Variants in ENTREP1 observed in about 807,000 individuals in gnomAD.
ENTREP1 encodes endosomal transmembrane epsin interactor 1.
At chr9:69,377,415 G>A in the ENTREP1 span, 36 of 1,614,014 alleles carry the variant, frequency 2.2e-5, 1 homozygote, top group African/African-American at 1.6e-4. Context: ...GACCACCACC[G>A]TCTGCTTGGT....
the ENTREP1 span, among the ~76,000 whole-genome samples, chr9:69,356,051 T>C: frequency 6.6e-6 from 1 of 152,180 alleles, no homozygotes; most frequent in South Asian, 2.1e-4. Context: ...GTGTTCACAG[T>C]GTTGTGCTGC....
At chr9:69,362,755 A>G in the ENTREP1 span, among the ~76,000 whole-genome samples, 2 of 152,284 alleles carry the variant, frequency 1.3e-5, no homozygotes, top group African/African-American at 2.4e-5. Context: ...GGCACCATCT[A>G]ATCGCTGCCA....
chr9:69,368,521 A>G, the ENTREP1 span, among the ~76,000 whole-genome samples: 2 of 152,110 alleles, frequency 1.3e-5, no homozygotes, highest in Non-Finnish European at 2.9e-5. Context: ...CGTGATGTAT[A>G]TCTTTTTGAT....
chr9:69,376,724 G>A, the ENTREP1 span, among the ~76,000 whole-genome samples: 1 of 152,332 alleles, frequency 6.6e-6, no homozygotes, highest in African/African-American at 2.4e-5. Context: ...TGGTAGCTGA[G>A]TCACCCCCAA....
At chr9:69,392,006 C>T in the ENTREP1 span, 2 of 598,840 alleles carry the variant, frequency 3.3e-6, no homozygotes, top group Non-Finnish European at 6.0e-6. Flanking sequence ...GTTTGGGATG[C>T]ACTGAGTTGG....
the ENTREP1 span, among the ~76,000 whole-genome samples, chr9:69,352,853 A>T: frequency 1.3e-5 from 2 of 152,190 alleles, no homozygotes; most frequent in Non-Finnish European, 2.9e-5. Flanking sequence ...GAAGAAGACA[A>T]GGCTGGATGT....
chr9:69,331,202 A>T, the ENTREP1 span, among the ~76,000 whole-genome samples: 1 of 152,232 alleles, frequency 6.6e-6, no homozygotes, highest in Admixed American at 6.5e-5. Flanking sequence ...AACACAGGAC[A>T]TTTACAACAT....
At chr9:69,389,280 C>T in the ENTREP1 span, among the ~76,000 whole-genome samples, 2 of 152,166 alleles carry the variant, frequency 1.3e-5, no homozygotes, top group Non-Finnish European at 2.9e-5. Context: ...AATACTTCCT[C>T]AACTGAAGTG....
the ENTREP1 span, chr9:69,325,120 C>A: frequency 1.0e-6 from 1 of 985,260 alleles, no homozygotes; most frequent in African/African-American, 1.7e-5. Flanking sequence ...CAGGTGGGTG[C>A]GGCCGGCTGG....
the ENTREP1 span, among the ~76,000 whole-genome samples, chr9:69,373,661 TATC>T: frequency 6.6e-6 from 1 of 152,290 alleles, no homozygotes; most frequent in African/African-American, 2.4e-5. Flanking sequence ...CTGCCATTAA[TATC>T]ATTCTGTATA....
At chr9:69,391,912 C>A in the ENTREP1 span, 1 of 1,081,102 alleles carries the variant, frequency 9.2e-7, no homozygotes, top group Non-Finnish European at 1.3e-6. Context: ...CTCTGGAGGA[C>A]ACGTTTTCCC....
the ENTREP1 span, among the ~76,000 whole-genome samples, chr9:69,331,872 A>G: frequency 6.6e-6 from 1 of 152,254 alleles, no homozygotes; most frequent in Admixed American, 6.5e-5. Context: ...ATTGTGGCAT[A>G]ATGGGAGCCA....
chr9:69,356,372 G>A, the ENTREP1 span, among the ~76,000 whole-genome samples: 4 of 152,068 alleles, frequency 2.6e-5, no homozygotes, highest in Non-Finnish European at 4.4e-5. Flanking sequence ...ACCTCACCTC[G>A]TGATATGAGG....
the ENTREP1 span, chr9:69,371,700 A>G: frequency 2.3e-6 from 2 of 876,510 alleles, no homozygotes; most frequent in Admixed American, 1.7e-5. Flanking sequence ...GCATCAGGCA[A>G]CTGTCCTGAA....
chr9:69,363,197 A>G, the ENTREP1 span, among the ~76,000 whole-genome samples: 1 of 152,174 alleles, frequency 6.6e-6, no homozygotes, highest in African/African-American at 2.4e-5. Flanking sequence ...CACGGTCTAA[A>G]ATACAAGTTC....
the ENTREP1 span, chr9:69,379,812 CAT>C: frequency 6.6e-6 from 1 of 152,206 alleles, no homozygotes; most frequent in Non-Finnish European, 1.5e-5. Context: ...GAAAGTGACT[CAT>C]GTGGGTTTAG....
the ENTREP1 span, among the ~76,000 whole-genome samples, chr9:69,341,938 C>T: frequency 2.0e-5 from 3 of 152,036 alleles, no homozygotes. Flanking sequence ...AAGGTCTAAA[C>T]CAATAAGTGG....
At chr9:69,369,689 A>G in the ENTREP1 span, among the ~76,000 whole-genome samples, 17 of 151,520 alleles carry the variant, frequency 1.1e-4, no homozygotes, top group Middle Eastern at 6.8e-3. Context: ...AGTGTTCCTC[A>G]TCCTCACCAG....
At chr9:69,332,826 G>A in the ENTREP1 span, among the ~76,000 whole-genome samples, 1 of 152,128 alleles carries the variant, frequency 6.6e-6, no homozygotes, top group Non-Finnish European at 1.5e-5. Context: ...TGAAATAAAA[G>A]CACTTGTTTT....
Sources: gnomAD v4.1 joint callset for allele counts (sites outside exome capture counted in the v4.1 genomes callset) on GRCh38, gnomAD v4.1.1 for gene constraint, MANE v1.5 for transcripts, NCBI Gene and HGNC (gene_info 2026-07-23, HGNC 2026-07-21) for gene names.